Variants in DNAJC15 observed in about 807,000 individuals in gnomAD.
DNAJC15 encodes DnaJ heat shock protein family (Hsp40) member C15.
Under a neutral mutation model 22.4 loss-of-function variants are expected in DNAJC15, and 27 were observed. The ratio of observed to expected loss-of-function variants is 1.20; its 90% CI spans 0.89 to 1.66. The LOEUF (loss-of-function observed/expected upper bound fraction) is 1.66, where lower values mean the gene tolerates loss of function less well. DNAJC15 is among the 40% of genes most tolerant of loss of function. The pLI is 0.00. For synonymous variants in DNAJC15, 79 were observed against 63.2 expected (o/e 1.25, Z -1.19); for missense variants, 208 against 187.1 (o/e 1.11, Z -0.65).
intron 4 of DNAJC15, among the ~76,000 whole-genome samples, chr13:43,079,197 A>G (rs1444458366): frequency 2.0e-5 from 3 of 152,120 alleles, no homozygotes; most frequent in Non-Finnish European, 4.4e-5. Flanking sequence ...TTAACATTTA[A>G]TGTTAAGAAT....
At chr13:43,069,066 AATTAACT>A in intron 3 of DNAJC15, 63 bp downstream of exon 3, 1 of 1,461,156 alleles carries the variant, frequency 6.8e-7, no homozygotes, top group South Asian at 1.3e-5. Flanking sequence ...GACATATTTC[AATTAACT>A]TAGAAAATGT....
At chr13:43,071,054 G>A (rs1030256665) in intron 3 of DNAJC15, among the ~76,000 whole-genome samples, 11 of 152,026 alleles carry the variant, frequency 7.2e-5, no homozygotes, top group East Asian at 1.9e-4. Context: ...TTCAGAAATC[G>A]TTTCTTTTCT....
At chr13:43,073,325 C>T (rs2040617337) in intron 3 of DNAJC15, among the ~76,000 whole-genome samples, 1 of 152,102 alleles carries the variant, frequency 6.6e-6, no homozygotes, top group Non-Finnish European at 1.5e-5. Context: ...GGTTGAGCAC[C>T]GTGTATATTT....
rs1355319749 is a variant in DNAJC15, at chr13:43,112,453, TAGC to T, written c.*5208_*5210del. On this transcript the variant is annotated 3_prime_UTR_variant, in exon 6 of 6. Coordinates refer to ENST00000379221, the MANE Select transcript of DNAJC15 (RefSeq NM_013238.3). ...TAAATTTCAAATTAGTATCTCAACT[TAGC>T]AGGGGGGATCAACAGTGGCAAACTT... 1 of 152,326 alleles carries T rather than the reference TAGC, an allele frequency of 6.6e-6. No individual in the cohort carries two copies. The highest frequency in any genetic ancestry group is 2.4e-5 in the African/African-American group (1 of 41,582). The allele number at this position is 152,326 out of a possible 1,614,324, so 9.4% of individuals were successfully genotyped here.
chr13:43,056,096 C>T (rs541005311), intron 1 of DNAJC15, among the ~76,000 whole-genome samples: 35 of 151,044 alleles, frequency 2.3e-4, no homozygotes, highest in Non-Finnish European at 3.4e-4. Context: ...CACTGTGGTC[C>T]GAGAGAGTAC....
At chr13:43,095,444 G>T (rs1291251834) in intron 5 of DNAJC15, among the ~76,000 whole-genome samples, 5 of 152,130 alleles carry the variant, frequency 3.3e-5, no homozygotes, top group African/African-American at 9.7e-5. Flanking sequence ...TCAGTAGATT[G>T]TCCAAGTGGA....
intron 1 of DNAJC15, among the ~76,000 whole-genome samples, chr13:43,026,052 A>G (rs1045075475): frequency 2.6e-5 from 4 of 152,254 alleles, no homozygotes; most frequent in African/African-American, 9.6e-5. Flanking sequence ...ACAGCTACCA[A>G]TGCAAATTGT....
At chr13:43,083,095 A>G (rs1007656348) in intron 4 of DNAJC15, among the ~76,000 whole-genome samples, 6 of 152,068 alleles carry the variant, frequency 3.9e-5, no homozygotes, top group African/African-American at 1.4e-4. Context: ...TAAGGAGTTT[A>G]CCTTTTTACA....
intron 5 of DNAJC15, among the ~76,000 whole-genome samples, chr13:43,101,213 A>C (rs1438233094): frequency 3.9e-5 from 6 of 152,196 alleles, no homozygotes; most frequent in Non-Finnish European, 7.3e-5. Context: ...TTTTTAATAG[A>C]AACAGGGTCT....
chr13:43,105,142 G>T (rs1264780188), intron 5 of DNAJC15, among the ~76,000 whole-genome samples: 2 of 151,676 alleles, frequency 1.3e-5, no homozygotes, highest in African/African-American at 4.8e-5. Context: ...TCTACACTTG[G>T]CCTACAAGAA....
intron 1 of DNAJC15, among the ~76,000 whole-genome samples, chr13:43,043,262 C>T (rs941236449): frequency 5.3e-5 from 8 of 152,156 alleles, no homozygotes; most frequent in Non-Finnish European, 1.2e-4. Flanking sequence ...CGTGTGCCAC[C>T]ACTCCCAGCT....
chr13:43,104,729 G>A (rs1007054115), intron 5 of DNAJC15, among the ~76,000 whole-genome samples: 13 of 146,684 alleles, frequency 8.9e-5, no homozygotes, highest in Admixed American at 2.1e-4. Flanking sequence ...CCACCCTGTC[G>A]TCCAGGCTGG....
In DNAJC15 at chr13:43,069,015, G is replaced by A. The variant is rs564710643; in HGVS notation, c.234+12G>A. The A allele has an allele frequency of 2.3e-5, 37 of 1,608,174 alleles. No individual in the cohort carries two copies. The Middle Eastern group carries it at 5.0e-4, about 22-fold the overall frequency. On this transcript the variant is annotated intron_variant, in intron 3 of 5. Coordinates refer to ENST00000379221, the MANE Select transcript of DNAJC15 (RefSeq NM_013238.3). ...AGATTTCAACTCCTGTAAGTTAAAC[G>A]TGGCTTTAGTTAGAAGACTCATTTT...
rs2040831078 is a variant in DNAJC15, at chr13:43,112,825, T to C, written c.*5577T>C. 1 of 152,288 alleles carries C rather than the reference T, an allele frequency of 6.6e-6. No homozygotes were observed. Among genetic ancestry groups the C allele is most frequent in the South Asian group, 2.1e-4 (1 of 4,824 alleles). 9.4% of individuals were successfully genotyped at this position (152,288 alleles called of 1,614,324 possible). A position where few individuals can be genotyped will look rare whatever the true frequency, so the allele number is the denominator to read the frequency against. On this transcript the variant is annotated 3_prime_UTR_variant, in exon 6 of 6. Transcript: ENST00000379221. Reference sequence around the variant, plus strand: ...TATTATATTGCACTCATTCTAAATATGTGGGAATCAGAATGAAGGGGCTTG... The same window carrying C: ...TATTATATTGCACTCATTCTAAATACGTGGGAATCAGAATGAAGGGGCTTG...
Position 43,053,389 on chromosome 13 carries a change from G to GT in DNAJC15, c.109-12290dup, listed in dbSNP as rs891564602. On this transcript the variant is annotated intron_variant, in intron 1 of 5. Coordinates refer to ENST00000379221, the MANE Select transcript of DNAJC15 (RefSeq NM_013238.3). ...TAGTTTTGCTTTGGCTGCATGGGCT[G>GT]TTTTTTTGGTGCCGTATGAATTTTA... 4.6e-5 allele frequency among the ~76,000 whole-genome samples: 7 copies of GT among 152,114 alleles called. No homozygotes were observed. In the South Asian group the frequency reaches 6.2e-4, roughly 14 times the overall value.
chr13:43,079,971 T>A (rs1157284938), intron 4 of DNAJC15, among the ~76,000 whole-genome samples: 1 of 152,212 alleles, frequency 6.6e-6, no homozygotes, highest in African/African-American at 2.4e-5. Context: ...GACCCCAGTT[T>A]AATCATCTGT....
intron 3 of DNAJC15, 78 bp from the exon 4 acceptor site, chr13:43,078,534 G>A (rs565027549): frequency 1.7e-4 from 196 of 1,131,242 alleles, no homozygotes; most frequent in Admixed American, 5.5e-4. Flanking sequence ...TACTCTCACT[G>A]CAGCTACATG....
chr13:43,073,925 T>G (rs527275396), intron 3 of DNAJC15, among the ~76,000 whole-genome samples: 1 of 151,026 alleles, frequency 6.6e-6, no homozygotes, highest in Non-Finnish European at 1.5e-5. Flanking sequence ...TAATTACCCT[T>G]AAATTTTTTT....
At chr13:43,041,960 A>T (rs1398506114) in intron 1 of DNAJC15, among the ~76,000 whole-genome samples, 4 of 152,206 alleles carry the variant, frequency 2.6e-5, no homozygotes, top group Non-Finnish European at 5.9e-5. Context: ...GGAAGTAGTC[A>T]GGTGGTGATA....
Sources: gnomAD v4.1 joint callset for allele counts (sites outside exome capture counted in the v4.1 genomes callset) on GRCh38, gnomAD v4.1.1 for gene constraint, MANE v1.5 for transcripts, NCBI Gene and HGNC (gene_info 2026-07-23, HGNC 2026-07-21) for gene names.